The following BMPR1A variants were observed in gnomAD, a reference collection of about 807,000 sequenced individuals.
BMPR1A encodes the protein bone morphogenetic protein receptor type 1A.
BMPR1A carries 7 observed loss-of-function variants against 66.0 expected under a neutral mutation model. The ratio of observed to expected loss-of-function variants is 0.11; its 90% confidence interval spans 0.06 to 0.20. The LOEUF is 0.20. BMPR1A is among the 10% of genes least tolerant of loss of function. The probability of loss-of-function intolerance (pLI) is 1.00; values close to 1 mark genes in which losing one functional copy is unlikely to be tolerated. For synonymous variants in BMPR1A, 200 were observed against 229.7 expected (o/e 0.87, Z 1.17); for missense variants, 408 against 669.1 (o/e 0.61, Z 4.31).
chr10:86,823,736 C>T (rs1842153811), intron 1 of BMPR1A, among the ~76,000 whole-genome samples: 1 of 152,192 alleles, frequency 6.6e-6, no homozygotes, highest in Non-Finnish European at 1.5e-5. Flanking sequence ...AATCCAGACC[C>T]TCCATGGGGC....
In BMPR1A at chr10:86,892,110, GTTT is replaced by G; in HGVS notation, c.231-12_231-10del. On this transcript the variant is annotated splice_polypyrimidine_tract_variant and intron_variant, in intron 4 of 12. Coordinates refer to ENST00000372037, the MANE Select transcript of BMPR1A (RefSeq NM_004329.3). ...GTGAATTTATGTTTTGTTTTGTTTTGTTTTTTTCTGTTTTAGAACTAATGGACA... is the reference window on the plus strand; with the variant it reads ...GTGAATTTATGTTTTGTTTTGTTTTGTTTTCTGTTTTAGAACTAATGGACA... The G allele has an allele frequency of 6.3e-7, 1 of 1,591,542 alleles. No homozygotes were observed. The highest frequency in any genetic ancestry group is 8.6e-7 in the Non-Finnish European group (1 of 1,160,254).
intron 3 of BMPR1A, among the ~76,000 whole-genome samples, chr10:86,884,764 T>A (rs1051324655): frequency 3.3e-5 from 5 of 152,216 alleles, no homozygotes; most frequent in East Asian, 3.9e-4. Flanking sequence ...CTAGAAGCTT[T>A]TTTTTGCCAT....
intron 2 of BMPR1A, chr10:86,856,017 C>G (rs944583305): frequency 3.2e-6 from 2 of 622,706 alleles, no homozygotes; most frequent in Non-Finnish European, 6.1e-6. Context: ...ATGCCTCTCA[C>G]CGTACTGGAG....
intron 7 of BMPR1A, among the ~76,000 whole-genome samples, chr10:86,908,112 G>C (rs1379114156): frequency 1.3e-5 from 2 of 152,282 alleles, no homozygotes. Context: ...GCTGAGGTGG[G>C]AGGATTGCTT....
chr10:86,771,664 A>T (rs2132653208), intron 1 of BMPR1A, among the ~76,000 whole-genome samples: 1 of 152,380 alleles, frequency 6.6e-6, no homozygotes, highest in Middle Eastern at 3.4e-3. Flanking sequence ...TGTACTAGGC[A>T]CAGAGTTGAC....
rs1170448427 is a variant in BMPR1A at position 86,854,336 on chromosome 10, A to G, written c.-153+15357A>G. 3.3e-5 allele frequency among the ~76,000 whole-genome samples: 5 copies of G among 152,198 alleles called. No homozygotes were observed. In the South Asian group the frequency reaches 1.0e-3, roughly 31 times the overall value. On this transcript the variant is annotated intron_variant, in intron 2 of 12. Transcript: ENST00000372037. ...TTTGTGCAGTTAACGCAATTATTAC[A>G]GGGTCCTGAGGTGACATACATCCTC...
chr10:86,792,050 A>G (rs1357318599), intron 1 of BMPR1A, among the ~76,000 whole-genome samples: 18 of 143,710 alleles, frequency 1.3e-4, no homozygotes, highest in Non-Finnish European at 2.4e-4. Flanking sequence ...AATGTTGTTA[A>G]TTACTGTCAG....
chr10:86,784,118 C>A (rs1401815328), intron 1 of BMPR1A, among the ~76,000 whole-genome samples: 3 of 151,984 alleles, frequency 2.0e-5, no homozygotes, highest in Admixed American at 6.6e-5. Context: ...TTCTTGCCTC[C>A]TTTTTCTGAT....
intron 8 of BMPR1A, among the ~76,000 whole-genome samples, chr10:86,913,511 C>T (rs1843521501): frequency 6.6e-6 from 1 of 152,024 alleles, no homozygotes; most frequent in Non-Finnish European, 1.5e-5. Flanking sequence ...CATAGGCAGA[C>T]AACATGATTG....
At chr10:86,917,689 T>G (rs1055206139) in intron 9 of BMPR1A, among the ~76,000 whole-genome samples, 2 of 152,228 alleles carry the variant, frequency 1.3e-5, no homozygotes, top group Non-Finnish European at 1.5e-5. Context: ...GCAGTTTCAT[T>G]GTACGTTCTG....
intron 2 of BMPR1A, among the ~76,000 whole-genome samples, chr10:86,845,520 T>C (rs1212557987): frequency 6.6e-6 from 1 of 152,184 alleles, no homozygotes; most frequent in South Asian, 2.1e-4. Context: ...CCACTCCCAC[T>C]TGAGTCAGGT....
downstream of BMPR1A, chr10:86,930,249 A>C: frequency 6.6e-6 from 1 of 152,236 alleles, no homozygotes; most frequent in Non-Finnish European, 1.5e-5. Context: ...GAAGGGAGCA[A>C]GGACTAGGGC....
At chr10:86,931,314 T>TATATATATATATATATATATA (rs71019438), downstream of BMPR1A, 3 of 107,460 alleles carry the variant, frequency 2.8e-5, no homozygotes, top group African/African-American at 1.5e-4. Flanking sequence ...TATATATATA[T>TATATATATATATATATATATA]TCAAGCAATG....
chr10:86,898,802 A>G (rs1843266594), intron 5 of BMPR1A, among the ~76,000 whole-genome samples: 2 of 151,898 alleles, frequency 1.3e-5, no homozygotes, highest in South Asian at 4.2e-4. Flanking sequence ...TTCCTCCTCC[A>G]TGTGTTTTCT....
intron 7 of BMPR1A, among the ~76,000 whole-genome samples, chr10:86,908,291 A>G (rs975374169): frequency 2.0e-5 from 3 of 152,318 alleles, no homozygotes; most frequent in African/African-American, 4.8e-5. Context: ...TACATCGTAT[A>G]CATGCATAAG....
chr10:86,788,958 G>A (rs1841558697), intron 1 of BMPR1A, among the ~76,000 whole-genome samples: 1 of 151,968 alleles, frequency 6.6e-6, no homozygotes, highest in Non-Finnish European at 1.5e-5. Context: ...AAAAAAAATG[G>A]CATAACTCTT....
chr10:86,811,188 A>T (rs1257917582), intron 1 of BMPR1A, among the ~76,000 whole-genome samples: 1 of 151,828 alleles, frequency 6.6e-6, no homozygotes, highest in East Asian at 1.9e-4. Flanking sequence ...ACAGGTACAC[A>T]CCACCACACC....
intron 6 of BMPR1A, 45 bp downstream of exon 6, chr10:86,899,935 C>T (rs1843284664): frequency 1.2e-6 from 2 of 1,609,288 alleles, no homozygotes; most frequent in African/African-American, 1.3e-5. Context: ...CAAATATCTT[C>T]TCTGGTTTTA....
At chr10:86,877,806 C>CT (rs1204223609) in intron 3 of BMPR1A, among the ~76,000 whole-genome samples, 1 of 152,168 alleles carries the variant, frequency 6.6e-6, no homozygotes, top group African/African-American at 2.4e-5. Context: ...TCCAGGTAAT[C>CT]TCCATTTTGG....
Sources: allele counts gnomAD v4.1 joint callset (sites outside exome capture counted in the v4.1 genomes callset), GRCh38; gene constraint gnomAD v4.1.1; transcripts MANE v1.5; gene names NCBI Gene and HGNC (gene_info 2026-07-23, HGNC 2026-07-21).